Variants in CCSER1 observed in about 807,000 individuals in gnomAD.
CCSER1 encodes the protein serine-rich coiled-coil domain-containing protein 1.
A neutral mutation model predicts 82.0 loss-of-function variants in CCSER1; 41 were observed. The observed-to-expected ratio is 0.50, with a 90% CI of 0.39 to 0.65. The LOEUF (loss-of-function observed/expected upper bound fraction) is 0.65, where lower values mean the gene tolerates loss of function less well. CCSER1 is among the 30% of genes least tolerant of loss of function. The pLI is 0.00. For synonymous variants in CCSER1, 414 were observed against 383.9 expected, an observed-to-expected ratio of 1.08 and a Z score of -0.92; for missense variants, 1,119 against 1,064.2, an observed-to-expected ratio of 1.05 and a Z score of -0.72.
intron 10 of CCSER1, among the ~76,000 whole-genome samples, chr4:91,120,130 T>G (rs1726958736): frequency 6.6e-6 from 1 of 152,024 alleles, no homozygotes; most frequent in African/African-American, 2.4e-5. Context: ...ATTTGCATAA[T>G]AGTGATTTGT....
At chr4:91,598,545 T>C (rs1336992703) in intron 10 of CCSER1, 27 bp from the exon 11 acceptor site, 22 of 1,518,768 alleles carry the variant, frequency 1.4e-5, no homozygotes, top group Non-Finnish European at 1.8e-5. Context: ...TTTTAAGACA[T>C]CTTTTTCTTT....
At chr4:90,890,534 A>C (rs1214374511) in intron 8 of CCSER1, among the ~76,000 whole-genome samples, 1 of 152,186 alleles carries the variant, frequency 6.6e-6, no homozygotes, top group Non-Finnish European at 1.5e-5. Context: ...GCAGACACTG[A>C]GAGCCTGAAA....
rs549617160 is a variant in CCSER1 at position 90,287,764 on chromosome 4, G to A, written c.-41-20480G>A. 3.3e-5 allele frequency among the ~76,000 whole-genome samples: 5 copies of A among 151,658 alleles called. 1 individual carries two copies. In the South Asian group the frequency reaches 1.0e-3, roughly 32 times the overall value. On this transcript the variant is annotated intron_variant, in intron 1 of 10. Coordinates refer to ENST00000509176, the MANE Select transcript of CCSER1 (RefSeq NM_001145065.2). ...AAAGAGTCTATTTTAGGAACATTTT[G>A]CTTTAAATATGAAAAAGAAATTACT...
intron 10 of CCSER1, among the ~76,000 whole-genome samples, chr4:91,192,002 T>C (rs1245966681): frequency 6.6e-6 from 1 of 152,226 alleles, no homozygotes; most frequent in Non-Finnish European, 1.5e-5. Context: ...TGGTGCCATC[T>C]AGGTTTCTTC....
chr4:90,684,609 T>C (rs1271889467), intron 6 of CCSER1, among the ~76,000 whole-genome samples: 1 of 152,146 alleles, frequency 6.6e-6, no homozygotes, highest in Non-Finnish European at 1.5e-5. Context: ...ATAAAAAGGT[T>C]AGAGTTATTC....
intron 10 of CCSER1, among the ~76,000 whole-genome samples, chr4:91,209,619 C>G (rs1193796479): frequency 6.6e-6 from 1 of 151,666 alleles, no homozygotes; most frequent in East Asian, 1.9e-4. Context: ...TTTTCTGATA[C>G]TTTGTCAAGG....
rs1399702815 is a variant in CCSER1, at chr4:90,127,432, G to C, written c.-441G>C. 2 of 152,444 alleles carry C rather than the reference G, an allele frequency of 1.3e-5. No homozygotes were observed. Among genetic ancestry groups the C allele is most frequent in the East Asian group, 3.9e-4 (2 of 5,158 alleles). 9.4% of individuals were successfully genotyped at this position (152,444 alleles called of 1,614,324 possible). On this transcript the variant is annotated 5_prime_UTR_variant, in exon 1 of 11. Coordinates refer to ENST00000509176, the MANE Select transcript of CCSER1 (RefSeq NM_001145065.2). Reference sequence around the variant, plus strand: ...GCGGCCTGCCGGGGAGGTGGATCTCGCGCTCCCCACACAGTCACACTCCGC... The same window carrying C: ...GCGGCCTGCCGGGGAGGTGGATCTCCCGCTCCCCACACAGTCACACTCCGC...
At chr4:90,342,795 C>T (rs775361387) in intron 3 of CCSER1, among the ~76,000 whole-genome samples, 4 of 152,042 alleles carry the variant, frequency 2.6e-5, no homozygotes, top group Non-Finnish European at 5.9e-5. Flanking sequence ...TTGTTACCAT[C>T]GGTGGACTTC....
At chr4:90,672,870 T>G (rs1733070398) in intron 6 of CCSER1, among the ~76,000 whole-genome samples, 1 of 151,938 alleles carries the variant, frequency 6.6e-6, no homozygotes, top group Non-Finnish European at 1.5e-5. Flanking sequence ...GAATGACCAA[T>G]CAGTGGAGGA....
At chr4:90,415,857 A>C (rs1755708731) in intron 4 of CCSER1, among the ~76,000 whole-genome samples, 1 of 152,242 alleles carries the variant, frequency 6.6e-6, no homozygotes, top group Admixed American at 6.5e-5. Context: ...GGGCTAAAAC[A>C]CATTTTAGTG....
intron 1 of CCSER1, among the ~76,000 whole-genome samples, chr4:90,190,139 A>G (rs1171576713): frequency 1.3e-5 from 2 of 152,184 alleles, no homozygotes; most frequent in East Asian, 3.9e-4. Context: ...ACTGAAGTAC[A>G]GAAATGCCAT....
intron 7 of CCSER1, among the ~76,000 whole-genome samples, chr4:90,764,856 C>T (rs553728173): frequency 6.6e-5 from 10 of 152,116 alleles, no homozygotes; most frequent in African/African-American, 1.4e-4. Flanking sequence ...CTCTTTTTAC[C>T]GCTGGCTTGT....
At chr4:91,086,156 A>G (rs1327741854) in intron 10 of CCSER1, among the ~76,000 whole-genome samples, 162 bp downstream of exon 10, 1 of 152,098 alleles carries the variant, frequency 6.6e-6, no homozygotes, top group East Asian at 1.9e-4. Flanking sequence ...CTGCCAAAGC[A>G]TATTTTACAT....
At chr4:91,554,538 C>T (rs1020258525) in intron 10 of CCSER1, among the ~76,000 whole-genome samples, 1 of 150,906 alleles carries the variant, frequency 6.6e-6, no homozygotes, top group East Asian at 1.9e-4. Context: ...CATTGATAAA[C>T]AAAATTTAAG....
chr4:91,499,826 T>C (rs1293367392), intron 10 of CCSER1, among the ~76,000 whole-genome samples: 1 of 152,040 alleles, frequency 6.6e-6, no homozygotes, highest in Non-Finnish European at 1.5e-5. Context: ...TTGTGTTTAG[T>C]GATGAATAAT....
intron 10 of CCSER1, among the ~76,000 whole-genome samples, chr4:91,170,893 T>A (rs1288704047): frequency 2.0e-5 from 3 of 152,208 alleles, no homozygotes; most frequent in African/African-American, 7.2e-5. Context: ...TAAAGTTATA[T>A]GATCTTTATC....
At chr4:91,058,931 G>A (rs537429887) in intron 9 of CCSER1, among the ~76,000 whole-genome samples, 1 of 152,046 alleles carries the variant, frequency 6.6e-6, no homozygotes, top group African/African-American at 2.4e-5. Flanking sequence ...GACTTTAGAA[G>A]GCTGATCAAT....
rs193063430 is a variant in CCSER1 at position 91,530,936 on chromosome 4, C to T, written c.2218-67636C>T. ...TCCTGACCTCAGGTGATCCACCTGC[C>T]TCGGCCTCCCAAAGTGCTAGTATTA... On this transcript the variant is annotated intron_variant, in intron 10 of 10. Transcript: ENST00000509176. 3.9e-5 allele frequency among the ~76,000 whole-genome samples: 6 copies of T among 152,158 alleles called. 1 individual carries two copies. The highest frequency in any genetic ancestry group is 2.6e-4 in the Admixed American group (4 of 15,258).
intron 1 of CCSER1, among the ~76,000 whole-genome samples, chr4:90,297,147 T>A (rs1732125264): frequency 6.6e-6 from 1 of 151,672 alleles, no homozygotes; most frequent in African/African-American, 2.4e-5. Context: ...CTTCCATTTG[T>A]TTGTATCCTC....
Sources: allele counts gnomAD v4.1 joint callset (sites outside exome capture counted in the v4.1 genomes callset), GRCh38; gene constraint gnomAD v4.1.1; transcripts MANE v1.5; gene names NCBI Gene and HGNC (gene_info 2026-07-23, HGNC 2026-07-21).